The following CTNNBL1 variants were observed in gnomAD, a reference collection of about 807,000 sequenced individuals.
CTNNBL1 encodes the protein catenin beta like 1.
In CTNNBL1, 31 loss-of-function variants were observed where a neutral mutation model predicts 72.7. The ratio of observed to expected loss-of-function variants is 0.43; its 90% CI spans 0.32 to 0.58. CTNNBL1 has a LOEUF of 0.58. Ranked by LOEUF, CTNNBL1 falls within the 20% of genes least tolerant of loss-of-function variation. The pLI is 0.08. For synonymous variants in CTNNBL1, 240 were observed against 267.3 expected (o/e 0.90, Z 1.00); for missense variants, 534 against 725.1 (o/e 0.74, Z 3.03).
intron 6 of CTNNBL1, among the ~76,000 whole-genome samples, chr20:37,767,008 C>G (rs989810962): frequency 6.6e-6 from 1 of 152,148 alleles, no homozygotes; most frequent in African/African-American, 2.4e-5. Context: ...TCGTGCTTCC[C>G]CTGCCTGGTC....
intron 7 of CTNNBL1, among the ~76,000 whole-genome samples, chr20:37,770,858 A>G (rs146508302): frequency 6.6e-6 from 1 of 152,316 alleles, no homozygotes; most frequent in African/African-American, 2.4e-5. Context: ...TAATTCTTTC[A>G]TTAATTAGTT....
intron 4 of CTNNBL1, 62 bp from the exon 5 acceptor site, chr20:37,757,497 A>G: frequency 8.5e-7 from 1 of 1,176,016 alleles, no homozygotes; most frequent in Non-Finnish European, 1.3e-6. Context: ...GAAGGGAATC[A>G]AGGATTAAGA....
At chr20:37,758,849 C>T (rs1339141765) in intron 5 of CTNNBL1, among the ~76,000 whole-genome samples, 1 of 152,178 alleles carries the variant, frequency 6.6e-6, no homozygotes, top group Non-Finnish European at 1.5e-5. Context: ...CTAGTCCTAC[C>T]CAAGACCCAC....
In CTNNBL1 at chr20:37,859,920, A is replaced by T. The variant is rs747870823; in HGVS notation, c.1414A>T (p.Ile472Phe). 3 of 1,614,108 alleles carry T rather than the reference A, an allele frequency of 1.9e-6. No individual in the cohort carries two copies. In the South Asian group the frequency reaches 3.3e-5, roughly 18 times the overall value. ...EKHDMVRRGE[I>F]IDNDTEEEFY... ...CTAGGACATGGTCCGGCGAGGAGAG[A>T]TCATCGACAATGACACCGAGGAGGA... Residue 472 changes from isoleucine (I) to phenylalanine (F), a missense_variant, in exon 14 of 16, where the codon ATC becomes TTC. Transcript: ENST00000361383.
intron 7 of CTNNBL1, among the ~76,000 whole-genome samples, chr20:37,771,494 C>T (rs1300470126): frequency 6.6e-6 from 1 of 152,146 alleles, no homozygotes; most frequent in Non-Finnish European, 1.5e-5. Context: ...ACCTTCTCTG[C>T]CTCTTACCCA....
At chr20:37,860,397 C>G (rs376224248) in intron 15 of CTNNBL1, 53 bp downstream of exon 15, 7 of 1,356,228 alleles carry the variant, frequency 5.2e-6, no homozygotes, top group Middle Eastern at 1.8e-4. Flanking sequence ...ATGATGCTTA[C>G]TTTCTGAGCC....
chr20:37,707,463 T>C (rs1231166720), intron 1 of CTNNBL1, among the ~76,000 whole-genome samples: 1 of 152,246 alleles, frequency 6.6e-6, no homozygotes, highest in Non-Finnish European at 1.5e-5. Flanking sequence ...TCCTTAAGCC[T>C]TATGAATAAG....
At chr20:37,745,714 A>G (rs1015292294) in intron 3 of CTNNBL1, among the ~76,000 whole-genome samples, 1 of 152,166 alleles carries the variant, frequency 6.6e-6, no homozygotes, top group African/African-American at 2.4e-5. Context: ...GTTGCCTTAC[A>G]CCAGATTAGC....
chr20:37,860,042 AG>A lies in CTNNBL1; in HGVS notation c.1530+9del. 1 of 1,613,946 alleles carries A rather than the reference AG, an allele frequency of 6.2e-7. No individual in the cohort carries two copies. Among genetic ancestry groups the A allele is most frequent in the Non-Finnish European group, 8.5e-7 (1 of 1,179,916 alleles). ...GCAATGCCAATGTCCCCCAGGTAGG[AG>A]GGTCTTCCCCTGGATGGGCTTATCC... On this transcript the variant is annotated splice_region_variant and intron_variant, in intron 14 of 15. Coordinates refer to ENST00000361383, the MANE Select transcript of CTNNBL1 (RefSeq NM_030877.5).
At chr20:37,779,125 T>C in intron 9 of CTNNBL1, 62 bp from the exon 10 acceptor site, 1 of 1,550,308 alleles carries the variant, frequency 6.5e-7, no homozygotes, top group Non-Finnish European at 8.8e-7. Context: ...AATTGTTGGA[T>C]GGAGGCTCAT....
At chr20:37,803,317 C>T (rs1487571020) in intron 11 of CTNNBL1, among the ~76,000 whole-genome samples, 2 of 152,078 alleles carry the variant, frequency 1.3e-5, no homozygotes, top group African/African-American at 4.8e-5. Flanking sequence ...TTGTTTTCTT[C>T]ACTATAATTT....
At chr20:37,745,014 A>G (rs569506836) in intron 3 of CTNNBL1, among the ~76,000 whole-genome samples, 6 of 152,280 alleles carry the variant, frequency 3.9e-5, no homozygotes, top group African/African-American at 1.4e-4. Flanking sequence ...ATCAATGGTT[A>G]TTTTTGGTTA....
intron 1 of CTNNBL1, among the ~76,000 whole-genome samples, chr20:37,707,625 C>CA (rs768537526): frequency 6.6e-6 from 1 of 152,214 alleles, no homozygotes; most frequent in Non-Finnish European, 1.5e-5. Context: ...AAGACTTTCT[C>CA]CATATAAGCA....
chr20:37,871,870 C>T (rs974219646), intron 15 of CTNNBL1, 55 bp from the exon 16 acceptor site: 26 of 1,489,736 alleles, frequency 1.7e-5, no homozygotes, highest in Admixed American at 3.4e-5. Context: ...AGCGACGCAG[C>T]CACGGTGGAT....
chr20:37,753,066 T>C (rs1211712618), intron 4 of CTNNBL1, among the ~76,000 whole-genome samples: 2 of 152,176 alleles, frequency 1.3e-5, no homozygotes, highest in African/African-American at 4.8e-5. Flanking sequence ...TTTGTCTGTC[T>C]TTAGTTTTGA....
chr20:37,809,421 C>A (rs1416079872), intron 11 of CTNNBL1, among the ~76,000 whole-genome samples: 1 of 152,166 alleles, frequency 6.6e-6, no homozygotes, highest in African/African-American at 2.4e-5. Context: ...CACATCCAAT[C>A]ATGTTTGAGC....
intron 3 of CTNNBL1, 37 bp from the exon 4 acceptor site, chr20:37,746,431 C>T: frequency 6.2e-7 from 1 of 1,600,580 alleles, no homozygotes; most frequent in South Asian, 1.1e-5. Flanking sequence ...CTGATAGTGC[C>T]CCTTTCCTTC....
intron 15 of CTNNBL1, 47 bp downstream of exon 15, chr20:37,860,391 T>G (rs1165752066): frequency 7.0e-7 from 1 of 1,432,944 alleles, no homozygotes; most frequent in Admixed American, 1.7e-5. Context: ...GATTAGATGA[T>G]GCTTACTTTC....
chr20:37,766,516 G>A (rs1317377594), intron 6 of CTNNBL1, among the ~76,000 whole-genome samples: 2 of 152,214 alleles, frequency 1.3e-5, no homozygotes, highest in African/African-American at 4.8e-5. Context: ...CTGGGTGACA[G>A]ACGGTATCGT....
Sources: allele counts gnomAD v4.1 joint callset (sites outside exome capture counted in the v4.1 genomes callset), GRCh38; gene constraint gnomAD v4.1.1; transcripts MANE v1.5; gene names NCBI Gene and HGNC (gene_info 2026-07-23, HGNC 2026-07-21).